SLC6A6: variants seen among roughly 807,000 people sequenced by gnomAD.
SLC6A6 encodes the protein sodium- and chloride-dependent taurine transporter.
A neutral mutation model predicts 68.8 loss-of-function variants in SLC6A6; 16 were observed. That is an observed-to-expected ratio of 0.23 (90% CI 0.16 to 0.35). SLC6A6 has a LOEUF of 0.35. Ranked by LOEUF, SLC6A6 falls within the 10% of genes least tolerant of loss-of-function variation. The probability of loss-of-function intolerance (pLI) is 1.00; values close to 1 mark genes in which losing one functional copy is unlikely to be tolerated. For missense variants in SLC6A6, 474 were observed against 802.8 expected, an observed-to-expected ratio of 0.59 and a Z score of 4.95; for synonymous variants, 312 against 315.4, an observed-to-expected ratio of 0.99 and a Z score of 0.12.
In SLC6A6 at chr3:14,486,206, T is replaced by C. The variant is rs965475028; in HGVS notation, c.*1199T>C. ...CTTTCCTCATCTCCCCACTCCCCAC[T>C]CTCAGCCTGGGAGACTCCTGCCAAG... is the stretch of plus-strand genomic sequence containing the variant. On this transcript the variant is annotated 3_prime_UTR_variant, in exon 15 of 15. Coordinates refer to ENST00000622186, the MANE Select transcript of SLC6A6 (RefSeq NM_003043.6). The C allele has an allele frequency of 1.3e-5, 2 of 152,586 alleles. No homozygotes were observed. The highest frequency in any genetic ancestry group is 3.9e-4 in the East Asian group (2 of 5,186). The allele number at this position is 152,586 out of a possible 1,614,324, so 9.5% of individuals were successfully genotyped here. A position where few individuals can be genotyped will look rare whatever the true frequency, so the allele number is the denominator to read the frequency against.
intron 1 of SLC6A6, among the ~76,000 whole-genome samples, chr3:14,405,180 G>C (rs889973146): frequency 2.6e-5 from 4 of 152,272 alleles, no homozygotes; most frequent in Non-Finnish European, 4.4e-5. Flanking sequence ...CCAGTCCTTA[G>C]GGCAGGAAAG....
chr3:14,473,914 C>G (rs1700811679), intron 10 of SLC6A6, among the ~76,000 whole-genome samples: 1 of 152,208 alleles, frequency 6.6e-6, no homozygotes, highest in African/African-American at 2.4e-5. Context: ...GGAAACGGCT[C>G]CCTGAGCAGG....
Position 14,443,694 on chromosome 3 carries a change from C to A in SLC6A6, c.60C>A (p.Pro20=). ...ATTTCCACAAGGACATCCTGAAGCC[C>A]TCACCAGGGAAGAGCCCAGGCACGC... ...LKDFHKDILK[P]SPGKSPGTRP... Residue 20 remains proline, a synonymous_variant, in exon 3 of 15, where the codon CCC becomes CCA. Transcript: ENST00000622186. 6.2e-7 allele frequency: 1 copy of A among 1,614,064 alleles called. No homozygotes were observed. Among genetic ancestry groups the A allele is most frequent in the Admixed American group, 1.7e-5 (1 of 60,010 alleles).
intron 14 of SLC6A6, among the ~76,000 whole-genome samples, chr3:14,483,771 T>C (rs1701068474): frequency 6.6e-6 from 1 of 152,100 alleles, no homozygotes; most frequent in African/African-American, 2.4e-5. Flanking sequence ...AGCCTCAAAT[T>C]CCTGGGCTCA....
At chr3:14,411,404 T>A (rs1480994854) in intron 1 of SLC6A6, 1 of 152,328 alleles carries the variant, frequency 6.6e-6, no homozygotes, top group Non-Finnish European at 1.5e-5. Flanking sequence ...GGGGCGAGCT[T>A]GGAGCTGCCT....
chr3:14,432,185 G>A (rs1341530761), intron 2 of SLC6A6, among the ~76,000 whole-genome samples: 1 of 152,190 alleles, frequency 6.6e-6, no homozygotes, highest in Non-Finnish European at 1.5e-5. Flanking sequence ...CAAGGAGCAG[G>A]GCTTTAGGCT....
intron 1 of SLC6A6, among the ~76,000 whole-genome samples, chr3:14,410,184 A>G (rs1414193300): frequency 1.1e-4 from 16 of 151,534 alleles, no homozygotes; most frequent in Non-Finnish European, 1.5e-4. Flanking sequence ...CTCAAAAAAA[A>G]AAAAAAAAAA....
chr3:14,427,623 A>T (rs1559290284), intron 2 of SLC6A6, among the ~76,000 whole-genome samples: 1 of 152,146 alleles, frequency 6.6e-6, no homozygotes, highest in Non-Finnish European at 1.5e-5. Flanking sequence ...TGCCATGTTG[A>T]GGGGTCCCAG....
intron 7 of SLC6A6, among the ~76,000 whole-genome samples, 184 bp from the exon 8 acceptor site, chr3:14,467,669 G>C (rs1700651330): frequency 6.6e-6 from 1 of 152,096 alleles, no homozygotes; most frequent in Non-Finnish European, 1.5e-5. Flanking sequence ...TTGATTTCTG[G>C]GGCTCCTTGC....
At chr3:14,421,728 T>C (rs1390402099) in intron 2 of SLC6A6, among the ~76,000 whole-genome samples, 4 of 152,278 alleles carry the variant, frequency 2.6e-5, no homozygotes, top group African/African-American at 9.6e-5. Context: ...CTGCCCCCCA[T>C]TTACAGGTGA....
chr3:14,443,594 T>A, intron 2 of SLC6A6, 30 bp from the exon 3 acceptor site: 11 of 1,438,378 alleles, frequency 7.6e-6, no homozygotes, highest in Non-Finnish European at 1.1e-5. Context: ...CCTCATCAGC[T>A]GCAGGATGCT....
At chr3:14,418,748 C>T (rs1699420701) in intron 2 of SLC6A6, among the ~76,000 whole-genome samples, 2 of 152,252 alleles carry the variant, frequency 1.3e-5, no homozygotes, top group African/African-American at 4.8e-5. Context: ...GTCACAGACT[C>T]ATGCACAGCC....
rs1701212548 is a variant in SLC6A6, at chr3:14,487,819, G to A, written c.*2812G>A. 6.6e-6 allele frequency: 1 copy of A among 152,302 alleles called. No individual in the cohort carries two copies. Among genetic ancestry groups the A allele is most frequent in the African/African-American group, 2.4e-5 (1 of 41,440 alleles). 9.4% of individuals were successfully genotyped at this position (152,302 alleles called of 1,614,324 possible). The stretch of plus-strand genomic sequence containing the variant: ...TAGCTGCAGGTTCTCCGAGGTAGGT[G>A]CAGGGAATGGTGAGTGTCTAACCAG... On this transcript the variant is annotated 3_prime_UTR_variant, in exon 15 of 15. Transcript: ENST00000622186.
At chr3:14,415,046 C>G (rs774538919) in intron 1 of SLC6A6, among the ~76,000 whole-genome samples, 1 of 152,222 alleles carries the variant, frequency 6.6e-6, no homozygotes, top group Non-Finnish European at 1.5e-5. Context: ...GCAGACATCA[C>G]TAATCCAGCC....
chr3:14,466,704 A>C (rs1700627914), intron 7 of SLC6A6, 54 bp downstream of exon 7: 1 of 1,554,508 alleles, frequency 6.4e-7, no homozygotes, highest in Non-Finnish European at 8.8e-7. Context: ...CTGGGCCGGC[A>C]CAGGACAGGG....
At chr3:14,475,872 G>A (rs1274247683) in intron 10 of SLC6A6, among the ~76,000 whole-genome samples, 1 of 152,174 alleles carries the variant, frequency 6.6e-6, no homozygotes, top group East Asian at 1.9e-4. Flanking sequence ...CCTCCTGCTC[G>A]TCTTTTCCCT....
chr3:14,419,165 G>A (rs570742872), intron 2 of SLC6A6, among the ~76,000 whole-genome samples: 2 of 152,344 alleles, frequency 1.3e-5, no homozygotes, highest in South Asian at 4.1e-4. Context: ...TTATAGAAAA[G>A]GCTGAGAGGC....
At chr3:14,467,812 A>G (rs763609986) in intron 7 of SLC6A6, 41 bp from the exon 8 acceptor site, 5 of 1,319,894 alleles carry the variant, frequency 3.8e-6, no homozygotes, top group African/African-American at 1.5e-5. Context: ...CAGCTCTGAC[A>G]GCCCTCCTCT....
chr3:14,449,353 C>T (rs1354485044), intron 5 of SLC6A6, among the ~76,000 whole-genome samples: 2 of 152,234 alleles, frequency 1.3e-5, no homozygotes, highest in African/African-American at 4.8e-5. Context: ...CATTGCCCCT[C>T]GGTTCCCCGC....
Sources: gnomAD v4.1 joint callset for allele counts (sites outside exome capture counted in the v4.1 genomes callset) on GRCh38, gnomAD v4.1.1 for gene constraint, MANE v1.5 for transcripts, NCBI Gene and HGNC (gene_info 2026-07-23, HGNC 2026-07-21) for gene names.